Variants in PPIC observed in about 807,000 individuals in gnomAD.
PPIC encodes the protein peptidylprolyl isomerase C, also known as peptidyl-prolyl cis-trans isomerase C.
A neutral mutation model predicts 19.5 loss-of-function variants in PPIC; 19 were observed. That is an observed-to-expected ratio of 0.98 (90% CI 0.68 to 1.43). PPIC has a LOEUF of 1.43. PPIC is among the 40% of genes most tolerant of loss of function. The pLI, the probability that PPIC is intolerant of heterozygous loss-of-function variation, is 0.00. For synonymous variants in PPIC, 107 were observed against 101.2 expected (o/e 1.06, Z -0.34); for missense variants, 268 against 268.6 (o/e 1.00, Z 0.02).
In PPIC at chr5:123,036,707, G is replaced by C. The variant is rs28373879; in HGVS notation, c.-82C>G. 0.72 allele frequency: 872,617 copies of C among 1,216,124 alleles called. 317,496 individuals are homozygous for C. The highest frequency in any genetic ancestry group is 0.93 in the East Asian group (34,053 of 36,750). 75.3% of individuals were successfully genotyped at this position (1,216,124 alleles called of 1,614,324 possible). On this transcript the variant is annotated 5_prime_UTR_variant, in exon 1 of 5. Transcript: ENST00000306442. The surrounding 1 kb of genome is among the most constrained non-coding windows in gnomAD (Gnocchi z 4.5). ...AGGCTCTGGGACAGCTGACGGGACT[G>C]CCGGCCGGCTGCGCCTGCGCGCTCC...
chr5:123,036,275 A>C lies in PPIC; in HGVS notation c.117+234T>G, dbSNP rs1165022367. Reference sequence around the variant, plus strand: ...CCGACCCGGGACAAGAAGTCCAAGCAGACTGCGGCGGAGGTAGGCTGGCCT... The same window carrying C: ...CCGACCCGGGACAAGAAGTCCAAGCCGACTGCGGCGGAGGTAGGCTGGCCT... On this transcript the variant is annotated intron_variant, in intron 1 of 4. Transcript: ENST00000306442. This position sits in a 1 kb window ranked among gnomAD's most constrained non-coding sequence, Gnocchi z 4.5. 1.8e-6 allele frequency: 1 copy of C among 556,094 alleles called. No individual in the cohort carries two copies. Among genetic ancestry groups the C allele is most frequent in the Non-Finnish European group, 3.2e-6 (1 of 312,262 alleles). The allele number at this position is 556,094 out of a possible 1,614,324, so 34.4% of individuals were successfully genotyped here. A position where few individuals can be genotyped will look rare whatever the true frequency, so the allele number is the denominator to read the frequency against.
Position 123,036,362 on chromosome 5 carries a change from T to A in PPIC, c.117+147A>T. On this transcript the variant is annotated intron_variant, in intron 1 of 4. Transcript: ENST00000306442. The surrounding 1 kb of genome is among the most constrained non-coding windows in gnomAD (Gnocchi z 4.5). Reference sequence around the variant, plus strand: ...GCCTCCCAGCACGCGAGCAGCCCCCTCCCACCCAGTCCCGCGGCCGCCTCC... The same window carrying A: ...GCCTCCCAGCACGCGAGCAGCCCCCACCCACCCAGTCCCGCGGCCGCCTCC... The A allele has an allele frequency of 3.8e-5, 26 of 686,894 alleles. No individual in the cohort carries two copies. Among genetic ancestry groups the A allele is most frequent in the Non-Finnish European group, 4.9e-5 (20 of 404,264 alleles). The allele number at this position is 686,894 out of a possible 1,614,324, so 42.5% of individuals were successfully genotyped here. A position where few individuals can be genotyped will look rare whatever the true frequency, so the allele number is the denominator to read the frequency against.
At chr5:123,026,064 C>T in intron 3 of PPIC, 96 bp from the exon 4 acceptor site, 1 of 1,065,322 alleles carries the variant, frequency 9.4e-7, no homozygotes, top group Non-Finnish European at 1.3e-6. Context: ...TTACTAGAAC[C>T]CTATAGGAGG....
At chr5:123,030,377 C>T (rs374962298) in intron 1 of PPIC, among the ~76,000 whole-genome samples, 4 of 152,002 alleles carry the variant, frequency 2.6e-5, no homozygotes, top group African/African-American at 9.7e-5. Context: ...TCTATTAGCG[C>T]GTTTAGATTA....
Position 123,023,887 on chromosome 5 carries a change from G to T in PPIC, c.627C>A (p.Ile209=). The T allele has an allele frequency of 1.2e-6, 2 of 1,612,052 alleles. No homozygotes were observed. Among genetic ancestry groups the T allele is most frequent in the Non-Finnish European group, 1.7e-6 (2 of 1,179,112 alleles). Reference sequence around the variant, plus strand: ...TCTGCCAGTTGTGTCACCAATCAGCGATCTCAACCACAAAAGGCGTTTTCA... The same window carrying T: ...TCTGCCAGTTGTGTCACCAATCAGCTATCTCAACCACAAAAGGCGTTTTCA... ...IDVKTPFVVE[I]ADW is the part of the protein sequence containing the mutation. The change falls in exon 5 of 5, where the codon ATC becomes ATA. Residue 209 remains isoleucine, a synonymous_variant. Coordinates refer to ENST00000306442, the MANE Select transcript of PPIC (RefSeq NM_000943.5).
At chr5:123,024,155 G>GT in intron 4 of PPIC, 152 bp from the exon 5 acceptor site, 2 of 258,418 alleles carry the variant, frequency 7.7e-6, no homozygotes, top group Non-Finnish European at 6.4e-6. Flanking sequence ...CGTTTTTTAT[G>GT]CACGCTAACT....
At chr5:123,028,584 T>G (rs902823094) in intron 3 of PPIC, 191 bp downstream of exon 3, 3 of 468,234 alleles carry the variant, frequency 6.4e-6, no homozygotes, top group African/African-American at 4.0e-5. Context: ...CTGCTTAAAA[T>G]AAGGACGCCT....
At position 123,023,717 on chromosome 5, in the gene PPIC, G is replaced by A. The variant is rs1338876227; in HGVS notation, c.*158C>T. The A allele has an allele frequency of 2.5e-6, 3 of 1,176,842 alleles. No homozygotes were observed. Among genetic ancestry groups the A allele is most frequent in the Non-Finnish European group, 3.3e-6 (3 of 907,664 alleles). 72.9% of individuals were successfully genotyped at this position (1,176,842 alleles called of 1,614,324 possible). ...CTAAAGTTCAAGCAAACTAAAGGGT[G>A]ACGGTTTGATTTTTATAACTTTCCT... On this transcript the variant is annotated 3_prime_UTR_variant, in exon 5 of 5. Coordinates refer to ENST00000306442, the MANE Select transcript of PPIC (RefSeq NM_000943.5).
In PPIC at chr5:123,023,380, G is replaced by A; in HGVS notation, c.*495C>T. On this transcript the variant is annotated 3_prime_UTR_variant, in exon 5 of 5. Coordinates refer to ENST00000306442, the MANE Select transcript of PPIC (RefSeq NM_000943.5). ...ACATTTTTAAAAAGTCTTGCAAAAA[G>A]AGTTGATCTAAAAGTATTTAATATA... The A allele has an allele frequency of 6.6e-6, 1 of 152,180 alleles. No homozygotes were observed. The highest frequency in any genetic ancestry group is 1.9e-4 in the East Asian group (1 of 5,198). The allele number at this position is 152,180 out of a possible 1,614,324, so 9.4% of individuals were successfully genotyped here.
rs770363735 is a variant in PPIC, at chr5:123,028,830, G to A, written c.270C>T (p.Val90=). 5 of 1,613,594 alleles carry A rather than the reference G, an allele frequency of 3.1e-6. No individual in the cohort carries two copies. The South Asian group carries it at 5.5e-5, about 18-fold the overall frequency. ...CTCCTTGAATCATGAAATCCTTGAT[G>A]ACACGATGAAACTTGCTTCCTTTAT... ...YGYKGSKFHR[V]IKDFMIQGGD... Residue 90 remains valine (V), a synonymous_variant, in exon 3 of 5, where the codon GTC becomes GTT. Transcript: ENST00000306442.
Position 123,023,807 on chromosome 5 carries a change from A to AACACAC in PPIC, c.*62_*67dup, listed in dbSNP as rs70988555. The stretch of plus-strand genomic sequence containing the variant: ...AAAGCAAATAATTGAAAGACAACAC[A>AACACAC]ACACACACACACACACACACACACA... On this transcript the variant is annotated 3_prime_UTR_variant, in exon 5 of 5. Transcript: ENST00000306442. The AACACAC allele has an allele frequency of 0.019, 24,070 of 1,291,784 alleles. 1,029 individuals are homozygous for AACACAC. In the African/African-American group the frequency reaches 0.2, roughly 11 times the overall value. 80.0% of individuals were successfully genotyped at this position (1,291,784 alleles called of 1,614,324 possible). A position where few individuals can be genotyped will look rare whatever the true frequency, so the allele number is the denominator to read the frequency against.
intron 1 of PPIC, among the ~76,000 whole-genome samples, chr5:123,032,392 G>A (rs558643810): frequency 6.6e-6 from 1 of 152,318 alleles, no homozygotes; most frequent in Admixed American, 6.5e-5. Context: ...AGGGCTCTCC[G>A]GGTCGAGCCA....
chr5:123,025,152 G>A (rs1372032904), intron 4 of PPIC, among the ~76,000 whole-genome samples: 1 of 151,950 alleles, frequency 6.6e-6, no homozygotes, highest in Non-Finnish European at 1.5e-5. Flanking sequence ...TTTTAATTCT[G>A]GTAAGAAATA....
chr5:123,030,575 G>T (rs1762928429), intron 1 of PPIC, among the ~76,000 whole-genome samples: 1 of 152,230 alleles, frequency 6.6e-6, no homozygotes, highest in Admixed American at 6.5e-5. Context: ...ACAGGGTGAT[G>T]TGATATTTAG....
Position 123,023,681 on chromosome 5 carries a change from C to T in PPIC, c.*194G>A, listed in dbSNP as rs1049679405. 10 of 786,504 alleles carry T rather than the reference C, an allele frequency of 1.3e-5. No homozygotes were observed. Among genetic ancestry groups the T allele is most frequent in the Middle Eastern group, 4.5e-4 (1 of 2,244 alleles). 48.7% of individuals were successfully genotyped at this position (786,504 alleles called of 1,614,324 possible). A position where few individuals can be genotyped will look rare whatever the true frequency, so the allele number is the denominator to read the frequency against. ...TATATTTAAGTTCAAAGTCCCTAAG[C>T]AGGTGGTTTACTAAAGTTCAAGCAA... On this transcript the variant is annotated 3_prime_UTR_variant, in exon 5 of 5. Coordinates refer to ENST00000306442, the MANE Select transcript of PPIC (RefSeq NM_000943.5).
Position 123,036,371 on chromosome 5 carries a change from G to C in PPIC, c.117+138C>G. ...CACGCGAGCAGCCCCCTCCCACCCA[G>C]TCCCGCGGCCGCCTCCAGTCCCCCT... is the stretch of plus-strand genomic sequence containing the variant. On this transcript the variant is annotated intron_variant, in intron 1 of 4. Transcript: ENST00000306442. This position sits in a 1 kb window ranked among gnomAD's most constrained non-coding sequence, Gnocchi z 4.5. 4 of 768,210 alleles carry C rather than the reference G, an allele frequency of 5.2e-6. No individual in the cohort carries two copies. The highest frequency in any genetic ancestry group is 8.5e-6 in the Non-Finnish European group (4 of 468,064). 47.6% of individuals were successfully genotyped at this position (768,210 alleles called of 1,614,324 possible).
chr5:123,026,119 G>A, intron 3 of PPIC, 151 bp from the exon 4 acceptor site: 1 of 673,842 alleles, frequency 1.5e-6, no homozygotes. Context: ...ACATGAAGGA[G>A]GGAATAAAAT....
In PPIC at chr5:123,036,658, G is replaced by T. The variant is rs1287357160; in HGVS notation, c.-33C>A. 2.0e-6 allele frequency: 3 copies of T among 1,533,828 alleles called. No homozygotes were observed. In the African/African-American group the frequency reaches 4.1e-5, roughly 21 times the overall value. On this transcript the variant is annotated 5_prime_UTR_variant, in exon 1 of 5. Coordinates refer to ENST00000306442, the MANE Select transcript of PPIC (RefSeq NM_000943.5). The surrounding 1 kb of genome is among the most constrained non-coding windows in gnomAD (Gnocchi z 4.5). Reference sequence around the variant, plus strand: ...GGTGGCAGCGGCGCTACCGGCACGGGCGCTACCGGCACGGGCGCGACACAG... The same window carrying T: ...GGTGGCAGCGGCGCTACCGGCACGGTCGCTACCGGCACGGGCGCGACACAG...
At chr5:123,027,842 A>G (rs900388798) in intron 3 of PPIC, among the ~76,000 whole-genome samples, 5 of 152,244 alleles carry the variant, frequency 3.3e-5, no homozygotes, top group Admixed American at 6.5e-5. Context: ...AGTTACATAT[A>G]TGGTGTATGT....
Sources: gnomAD v4.1 joint callset for allele counts (sites outside exome capture counted in the v4.1 genomes callset) on GRCh38, gnomAD v4.1.1 for gene constraint, Gnocchi (gnomAD v3.1) non-coding constraint, MANE v1.5 for transcripts, NCBI Gene and HGNC (gene_info 2026-07-23, HGNC 2026-07-21) for gene names.